HS3ST4: variants seen among roughly 807,000 people sequenced by gnomAD.
HS3ST4 encodes the protein heparan sulfate-glucosamine 3-sulfotransferase 4, also known as heparan sulfate glucosamine 3-O-sulfotransferase 4.
Under a neutral mutation model 29.2 loss-of-function variants are expected in HS3ST4, and 17 were observed. The ratio of observed to expected loss-of-function variants is 0.58; its 90% confidence interval spans 0.40 to 0.87. HS3ST4 has a LOEUF of 0.87. Ranked by LOEUF, HS3ST4 falls within the 40% of genes least tolerant of loss-of-function variation. The pLI is 0.00. For missense variants in HS3ST4, 627 were observed against 634.5 expected (o/e 0.99, Z 0.13); for synonymous variants, 314 against 285.7 (o/e 1.10, Z -1.00).
chr16:25,991,225 A>G (rs1391557743), intron 1 of HS3ST4, among the ~76,000 whole-genome samples: 1 of 152,248 alleles, frequency 6.6e-6, no homozygotes, highest in Non-Finnish European at 1.5e-5. Flanking sequence ...TATATGCAGG[A>G]TACTAAATAG....
At chr16:25,976,172 G>A (rs3923967) in intron 1 of HS3ST4, among the ~76,000 whole-genome samples, 29,272 of 152,142 alleles carry the variant, frequency 0.19, 3,151 homozygotes, top group African/African-American at 0.29. Flanking sequence ...GGTTAAAAAC[G>A]TGATCCCGTA....
chr16:26,027,860 C>CT (rs1482512892), intron 1 of HS3ST4, among the ~76,000 whole-genome samples: 11 of 152,202 alleles, frequency 7.2e-5, no homozygotes, highest in African/African-American at 2.7e-4. Flanking sequence ...TCAGTAATGG[C>CT]TGACTCCATG....
intron 1 of HS3ST4, among the ~76,000 whole-genome samples, chr16:25,990,583 G>A (rs11640932): frequency 0.18 from 26,983 of 152,150 alleles, 2,492 homozygotes; most frequent in South Asian, 0.22. Context: ...TATCTAACTT[G>A]GCATGTGCCA....
chr16:26,049,398 T>TCCGGAGGTCTACAC, intron 1 of HS3ST4, among the ~76,000 whole-genome samples: 1 of 149,378 alleles, frequency 6.7e-6, no homozygotes, highest in African/African-American at 2.5e-5. Flanking sequence ...GAGGTCTACA[T>TCCGGAGGTCTACAC]CCGGAGAATG....
At chr16:25,752,083 C>T (rs1966725318) in intron 1 of HS3ST4, among the ~76,000 whole-genome samples, 1 of 151,856 alleles carries the variant, frequency 6.6e-6, no homozygotes, top group Non-Finnish European at 1.5e-5. Context: ...CTTTGGAATA[C>T]AAGTGGAGAT....
chr16:26,128,888 C>G (rs767731769), intron 1 of HS3ST4, among the ~76,000 whole-genome samples: 1 of 152,164 alleles, frequency 6.6e-6, no homozygotes, highest in South Asian at 2.1e-4. Flanking sequence ...ACCCCATGCC[C>G]TTGCTGTAAC....
At chr16:25,828,242 C>CTTTCCTTTCTTTCTTTCTTTCTTTTTCTG (rs1371928058) in intron 1 of HS3ST4, among the ~76,000 whole-genome samples, 8 of 75,024 alleles carry the variant, frequency 1.1e-4, no homozygotes, top group African/African-American at 4.1e-4. Context: ...TTCTTTCTTT[C>CTTTCCTTTCTTTCTTTCTTTCTTTTTCTG]TCTTTCTTTC....
intron 1 of HS3ST4, among the ~76,000 whole-genome samples, chr16:26,050,009 T>C (rs1398165658): frequency 6.6e-6 from 1 of 152,100 alleles, no homozygotes; most frequent in Non-Finnish European, 1.5e-5. Flanking sequence ...ACCCTGCCCT[T>C]TGGGTTTTAA....
At chr16:25,873,646 A>G (rs1199513179) in intron 1 of HS3ST4, among the ~76,000 whole-genome samples, 1 of 61,536 alleles carries the variant, frequency 1.6e-5, no homozygotes, top group African/African-American at 5.6e-5. Context: ...TCATCCATCC[A>G]TCCATCCGTC....
intron 1 of HS3ST4, among the ~76,000 whole-genome samples, chr16:25,711,593 T>A (rs1373559326): frequency 1.3e-5 from 2 of 152,124 alleles, no homozygotes; most frequent in Non-Finnish European, 2.9e-5. Flanking sequence ...AAGATTTTTT[T>A]TTAGCCACCC....
At chr16:25,854,527 T>TGGG (rs1446055979) in intron 1 of HS3ST4, among the ~76,000 whole-genome samples, 2 of 152,136 alleles carry the variant, frequency 1.3e-5, no homozygotes. Flanking sequence ...GCCGACCTCC[T>TGGG]ATCTCATCCT....
intron 1 of HS3ST4, among the ~76,000 whole-genome samples, chr16:25,788,181 G>A (rs542507724): frequency 1.3e-5 from 2 of 152,324 alleles, no homozygotes; most frequent in South Asian, 2.1e-4. Flanking sequence ...GGGAGGCTGA[G>A]AAGTGTGAAT....
intron 1 of HS3ST4, among the ~76,000 whole-genome samples, chr16:25,887,891 G>A (rs1459845612): frequency 6.6e-6 from 1 of 151,776 alleles, no homozygotes; most frequent in African/African-American, 2.4e-5. Context: ...TAGAGACGGG[G>A]TTTCACCATG....
In HS3ST4 at chr16:25,809,015, A is replaced by G. The variant is rs544081264; in HGVS notation, c.734+115864A>G. Among the ~76,000 whole-genome samples the G allele has an allele frequency of 5.9e-5, 9 of 152,222 alleles. No individual in the cohort carries two copies. In the South Asian group the frequency reaches 1.9e-3, roughly 32 times the overall value. The stretch of plus-strand genomic sequence containing the variant: ...ATAAGTTTTTTGGAAGTAGGAATCT[A>G]TGTTACAAGCATGTTATCTGCAAAC... On this transcript the variant is annotated intron_variant, in intron 1 of 1. Coordinates refer to ENST00000331351, the MANE Select transcript of HS3ST4 (RefSeq NM_006040.3).
chr16:25,938,326 C>T (rs1320995122), intron 1 of HS3ST4, among the ~76,000 whole-genome samples: 1 of 152,110 alleles, frequency 6.6e-6, no homozygotes, highest in African/African-American at 2.4e-5. Flanking sequence ...GCAAGAAGAG[C>T]GTAATCTCAT....
At chr16:26,110,574 C>T (rs182194524) in intron 1 of HS3ST4, among the ~76,000 whole-genome samples, 1 of 152,324 alleles carries the variant, frequency 6.6e-6, no homozygotes, top group East Asian at 1.9e-4. Context: ...CCCTTTCTTC[C>T]AAATAATGTC....
chr16:25,859,970 C>T (rs770015497), intron 1 of HS3ST4, among the ~76,000 whole-genome samples: 80 of 152,140 alleles, frequency 5.3e-4, no homozygotes, highest in East Asian at 1.9e-3. Flanking sequence ...AGATCAGCAG[C>T]GACATTAGAT....
intron 1 of HS3ST4, among the ~76,000 whole-genome samples, chr16:26,075,067 C>T (rs1898645938): frequency 1.3e-5 from 2 of 152,170 alleles, no homozygotes; most frequent in South Asian, 4.1e-4. Flanking sequence ...GTGGTACGCG[C>T]CTGTAGTCCC....
chr16:26,107,755 G>A (rs1196850275), intron 1 of HS3ST4, among the ~76,000 whole-genome samples: 1 of 152,148 alleles, frequency 6.6e-6, no homozygotes, highest in Non-Finnish European at 1.5e-5. Context: ...GTATTACATG[G>A]TGTATAGGTA....
Sources: gnomAD v4.1 joint callset for allele counts (sites outside exome capture counted in the v4.1 genomes callset) on GRCh38, gnomAD v4.1.1 for gene constraint, MANE v1.5 for transcripts, NCBI Gene and HGNC (gene_info 2026-07-23, HGNC 2026-07-21) for gene names.